The following TMOD1 variants were observed in gnomAD, a reference collection of about 807,000 sequenced individuals.
TMOD1 encodes the protein tropomodulin-1.
A neutral mutation model predicts 40.6 loss-of-function variants in TMOD1; 17 were observed. The observed-to-expected ratio is 0.42, with a 90% CI of 0.29 to 0.63. TMOD1 has a LOEUF of 0.63. TMOD1 is among the 20% of genes least tolerant of loss of function. The pLI, the probability that TMOD1 is intolerant of heterozygous loss-of-function variation, is 0.22. For missense variants in TMOD1, 391 were observed against 447.6 expected, an observed-to-expected ratio of 0.87 and a Z score of 1.14; for synonymous variants, 181 against 175.0, an observed-to-expected ratio of 1.03 and a Z score of -0.27.
At chr9:97,527,257 A>G (rs962404405) in intron 2 of TMOD1, among the ~76,000 whole-genome samples, 2 of 152,212 alleles carry the variant, frequency 1.3e-5, no homozygotes, top group Non-Finnish European at 2.9e-5. Context: ...GGGAGAACAA[A>G]AGAGGCATGT....
At chr9:97,519,842 C>T (rs933856091) in intron 1 of TMOD1, among the ~76,000 whole-genome samples, 20 of 152,006 alleles carry the variant, frequency 1.3e-4, no homozygotes, top group African/African-American at 2.9e-4. Context: ...ACTCCAGCAG[C>T]GACAGCCTCA....
At chr9:97,548,156 C>T (rs1830393703) in intron 3 of TMOD1, among the ~76,000 whole-genome samples, 1 of 152,186 alleles carries the variant, frequency 6.6e-6, no homozygotes, top group African/African-American at 2.4e-5. Flanking sequence ...TCAGTCTCTT[C>T]CATTCCCTCC....
chr9:97,508,937 A>G (rs1185071438), intron 1 of TMOD1, among the ~76,000 whole-genome samples: 2 of 152,220 alleles, frequency 1.3e-5, no homozygotes, highest in Non-Finnish European at 2.9e-5. Flanking sequence ...GCTTAAAATA[A>G]ACCTATATAG....
Position 97,522,147 on chromosome 9 carries a change from C to T in TMOD1, c.-48-1994C>T, listed in dbSNP as rs140756177. ...GGCTGCTGGAACACAGTTCCACACA[C>T]AGCGTGGCTTAAATAACAGAAACGT... On this transcript the variant is annotated intron_variant, in intron 1 of 9. Transcript: ENST00000259365. 3.1e-3 allele frequency among the ~76,000 whole-genome samples: 469 copies of T among 152,340 alleles called. 1 individual carries two copies. Among genetic ancestry groups the T allele is most frequent in the African/African-American group, 0.011 (445 of 41,576 alleles).
chr9:97,512,833 G>C (rs1343499932), intron 1 of TMOD1: 1 of 151,914 alleles, frequency 6.6e-6, no homozygotes, highest in African/African-American at 2.4e-5. Flanking sequence ...AGTTTTCTTG[G>C]GGGCTGGAAA....
chr9:97,600,252 A>T lies in TMOD1; in HGVS notation c.*554A>T. On this transcript the variant is annotated 3_prime_UTR_variant, in exon 10 of 10. Transcript: ENST00000259365. ...TTTTCCCCTCAGAACAGATAGACAG[A>T]CTGAAGCCACTGAACTCTGCCAGGA... The T allele has an allele frequency of 1.0e-6, 1 of 987,358 alleles. No individual in the cohort carries two copies. The highest frequency in any genetic ancestry group is 1.2e-6 in the Non-Finnish European group (1 of 830,946). The allele number at this position is 987,358 out of a possible 1,614,324, so 61.2% of individuals were successfully genotyped here. A position where few individuals can be genotyped will look rare whatever the true frequency, so the allele number is the denominator to read the frequency against.
intron 8 of TMOD1, among the ~76,000 whole-genome samples, chr9:97,577,745 G>C (rs1236881931): frequency 1.3e-5 from 2 of 152,040 alleles, no homozygotes; most frequent in Non-Finnish European, 2.9e-5. Context: ...ACTCCAGTCT[G>C]GGCGACAGAA....
At chr9:97,555,198 C>T (rs1274264289) in intron 4 of TMOD1, among the ~76,000 whole-genome samples, 1 of 152,220 alleles carries the variant, frequency 6.6e-6, no homozygotes, top group Non-Finnish European at 1.5e-5. Context: ...ACAGTAGATC[C>T]TCCATTGAGC....
At chr9:97,584,698 A>AT (rs1825830954) in intron 8 of TMOD1, among the ~76,000 whole-genome samples, 2 of 152,164 alleles carry the variant, frequency 1.3e-5, no homozygotes, top group South Asian at 4.1e-4. Flanking sequence ...TATTGGGTGC[A>AT]TATATATTTA....
chr9:97,569,749 G>A (rs1436697078), intron 8 of TMOD1, among the ~76,000 whole-genome samples: 2 of 152,160 alleles, frequency 1.3e-5, no homozygotes, highest in Non-Finnish European at 2.9e-5. Flanking sequence ...CCTACAGAAT[G>A]TGGGTATCAT....
At chr9:97,562,047 T>C (rs1830648929) in intron 4 of TMOD1, among the ~76,000 whole-genome samples, 1 of 152,120 alleles carries the variant, frequency 6.6e-6, no homozygotes, top group Non-Finnish European at 1.5e-5. Context: ...TCTTTCTTAT[T>C]CTCCACTGTC....
At chr9:97,564,334 C>A (rs574410694) in intron 6 of TMOD1, among the ~76,000 whole-genome samples, 166 bp downstream of exon 6, 20 of 152,144 alleles carry the variant, frequency 1.3e-4, no homozygotes, top group Middle Eastern at 3.4e-3. Flanking sequence ...CAAATGGGAG[C>A]CTTTAAGAGG....
chr9:97,564,013 A>C (rs376815846), intron 5 of TMOD1, 25 bp from the exon 6 acceptor site: 1 of 1,598,544 alleles, frequency 6.3e-7, no homozygotes, highest in Non-Finnish European at 8.5e-7. Context: ...TCTGTGAGCC[A>C]CCTCCCTTTC....
At chr9:97,509,234 A>G (rs1000190844) in intron 1 of TMOD1, among the ~76,000 whole-genome samples, 4 of 152,202 alleles carry the variant, frequency 2.6e-5, no homozygotes, top group Non-Finnish European at 5.9e-5. Context: ...GCACTTCTTC[A>G]TCTGTAAAAT....
chr9:97,525,538 A>G (rs1173806066), intron 2 of TMOD1, among the ~76,000 whole-genome samples: 5 of 152,176 alleles, frequency 3.3e-5, no homozygotes, highest in Admixed American at 1.3e-4. Flanking sequence ...TCTTTACCCG[A>G]TGGGGTGACC....
intron 2 of TMOD1, among the ~76,000 whole-genome samples, chr9:97,537,057 T>A (rs1450052472): frequency 1.3e-5 from 2 of 152,258 alleles, no homozygotes; most frequent in African/African-American, 2.4e-5. Context: ...GTGTCATTTT[T>A]ATGTAAGCTC....
chr9:97,544,512 G>T (rs1830329442), intron 2 of TMOD1, among the ~76,000 whole-genome samples: 1 of 151,620 alleles, frequency 6.6e-6, no homozygotes, highest in African/African-American at 2.4e-5. Context: ...CTCCAGCCTT[G>T]GTGACAGAGA....
intron 1 of TMOD1, among the ~76,000 whole-genome samples, chr9:97,505,861 C>A (rs757753792): frequency 1.4e-4 from 22 of 152,192 alleles, no homozygotes; most frequent in Non-Finnish European, 3.1e-4. Flanking sequence ...GCTCTCAGAG[C>A]CTCTTAAAGG....
intron 4 of TMOD1, among the ~76,000 whole-genome samples, chr9:97,558,729 C>T (rs1213838186): frequency 6.6e-6 from 1 of 152,194 alleles, no homozygotes; most frequent in Non-Finnish European, 1.5e-5. Context: ...CAGGCATGAG[C>T]CACTGTGCCC....
Sources: allele counts gnomAD v4.1 joint callset (sites outside exome capture counted in the v4.1 genomes callset), GRCh38; gene constraint gnomAD v4.1.1; transcripts MANE v1.5; gene names NCBI Gene and HGNC (gene_info 2026-07-23, HGNC 2026-07-21).